Variants in DHTKD1 observed in about 807,000 individuals in gnomAD.
DHTKD1 encodes the protein 2-oxoadipate dehydrogenase complex component E1.
DHTKD1 carries 78 observed loss-of-function variants against 101.8 expected under a neutral mutation model. The observed-to-expected ratio is 0.77, with a 90% confidence interval of 0.64 to 0.93. The LOEUF (loss-of-function observed/expected upper bound fraction) is 0.93, where lower values mean the gene tolerates loss of function less well. Ranked by LOEUF, DHTKD1 falls within the 40% of genes least tolerant of loss-of-function variation. The pLI is 0.00. For synonymous variants in DHTKD1, 462 were observed against 450.3 expected (o/e 1.03, Z -0.33); for missense variants, 1,223 against 1,161.7 (o/e 1.05, Z -0.77).
intron 1 of DHTKD1, among the ~76,000 whole-genome samples, chr10:12,073,528 G>A (rs1443584335): frequency 6.6e-6 from 1 of 152,078 alleles, no homozygotes; most frequent in Non-Finnish European, 1.5e-5. Context: ...TGTATTTTTA[G>A]TAGAAACAGG....
intron 14 of DHTKD1, among the ~76,000 whole-genome samples, 158 bp downstream of exon 14, chr10:12,117,913 T>C (rs1174606608): frequency 6.6e-6 from 1 of 151,738 alleles, no homozygotes; most frequent in Non-Finnish European, 1.5e-5. Flanking sequence ...TTTTTGAGAC[T>C]GAGTCTGGCT....
chr10:12,094,274 A>G lies in DHTKD1; in HGVS notation c.1358+3A>G. ...CCCATCATGTACAAAATCATCAGGT[A>G]CAATTATAAACCCTTGTGTGATATG... is the stretch of plus-strand genomic sequence containing the variant. On this transcript the variant is annotated splice_donor_region_variant and intron_variant, in intron 7 of 16. Coordinates refer to ENST00000263035, the MANE Select transcript of DHTKD1 (RefSeq NM_018706.7). 1 of 1,613,070 alleles carries G rather than the reference A, an allele frequency of 6.2e-7. No homozygotes were observed. The highest frequency in any genetic ancestry group is 8.5e-7 in the Non-Finnish European group (1 of 1,179,004).
At position 12,119,670 on chromosome 10, in the gene DHTKD1, G is replaced by A. The variant is rs1833493761; in HGVS notation, c.2573-512G>A. On this transcript the variant is annotated intron_variant, in intron 15 of 16. Transcript: ENST00000263035. Reference sequence around the variant, plus strand: ...TTTGGTACATATATGGGGCCTGTCCGAGGGTCATGGGGGAGGAGGGAGAGC... The same window carrying A: ...TTTGGTACATATATGGGGCCTGTCCAAGGGTCATGGGGGAGGAGGGAGAGC... Among the ~76,000 whole-genome samples, 3 of 151,250 alleles carry A rather than the reference G, an allele frequency of 2.0e-5. 1 individual carries two copies. The East Asian group carries it at 5.8e-4, about 29-fold the overall frequency.
At chr10:12,073,806 C>T (rs945705116) in intron 1 of DHTKD1, among the ~76,000 whole-genome samples, 2 of 152,194 alleles carry the variant, frequency 1.3e-5, no homozygotes, top group South Asian at 4.1e-4. Context: ...GAAGCTGCTT[C>T]AGCTCTTGTA....
intron 13 of DHTKD1, among the ~76,000 whole-genome samples, chr10:12,116,127 C>T (rs1244989890): frequency 6.6e-5 from 10 of 151,792 alleles, no homozygotes; most frequent in Non-Finnish European, 8.8e-5. Flanking sequence ...GACGAGGTTT[C>T]GCCATGTGGG....
At chr10:12,119,514 G>A (rs1411140240) in intron 15 of DHTKD1, among the ~76,000 whole-genome samples, 1 of 147,818 alleles carries the variant, frequency 6.8e-6, no homozygotes, top group Admixed American at 6.8e-5. Flanking sequence ...TACTTGGGAG[G>A]CTGACGCAGG....
chr10:12,073,955 TCTC>T (rs773822536), intron 1 of DHTKD1, among the ~76,000 whole-genome samples: 17 of 152,198 alleles, frequency 1.1e-4, no homozygotes, highest in Non-Finnish European at 2.1e-4. Flanking sequence ...CCTCTGATAT[TCTC>T]CTTTATTTTT....
chr10:12,072,863 A>C (rs561412595), intron 1 of DHTKD1, among the ~76,000 whole-genome samples: 1 of 151,796 alleles, frequency 6.6e-6, no homozygotes, highest in Non-Finnish European at 1.5e-5. Context: ...CAGCCTCCTG[A>C]GTAGCTAGGA....
At chr10:12,095,409 G>A (rs1185610568) in intron 7 of DHTKD1, among the ~76,000 whole-genome samples, 2 of 152,210 alleles carry the variant, frequency 1.3e-5, no homozygotes, top group Non-Finnish European at 1.5e-5. Flanking sequence ...CGGGCATGGT[G>A]GCTTATGCCT....
At chr10:12,113,842 C>T (rs1833372815) in intron 13 of DHTKD1, among the ~76,000 whole-genome samples, 1 of 152,110 alleles carries the variant, frequency 6.6e-6, no homozygotes, top group Non-Finnish European at 1.5e-5. Flanking sequence ...ATCTTTTGAG[C>T]CCTGGAGTTC....
intron 16 of DHTKD1, 33 bp downstream of exon 16, chr10:12,120,300 G>T: frequency 6.5e-7 from 1 of 1,533,540 alleles, no homozygotes; most frequent in Non-Finnish European, 9.0e-7. Context: ...AGTGTTTTGT[G>T]TTTTGTGTGC....
rs1426984718 is a variant in DHTKD1 at position 12,093,987 on chromosome 10, C to G, written c.1160-86C>G. The G allele has an allele frequency of 2.5e-6, 3 of 1,205,384 alleles. No homozygotes were observed. The African/African-American group carries it at 4.5e-5, about 18-fold the overall frequency. 74.7% of individuals were successfully genotyped at this position (1,205,384 alleles called of 1,614,324 possible). Reference sequence around the variant, plus strand: ...TATCTACCTGTGAGGATTGGGCTGTCTTTTGATGCAGGAAGTAGGGCTTAG... The same window carrying G: ...TATCTACCTGTGAGGATTGGGCTGTGTTTTGATGCAGGAAGTAGGGCTTAG... On this transcript the variant is annotated intron_variant, in intron 6 of 16. Coordinates refer to ENST00000263035, the MANE Select transcript of DHTKD1 (RefSeq NM_018706.7).
intron 1 of DHTKD1, among the ~76,000 whole-genome samples, chr10:12,072,554 G>A (rs1832667721): frequency 6.6e-6 from 1 of 152,086 alleles, no homozygotes; most frequent in Non-Finnish European, 1.5e-5. Flanking sequence ...TAACCTTTTG[G>A]ATGGCAGTGG....
In DHTKD1 at chr10:12,087,800, A is replaced by C. The variant is rs1832928271; in HGVS notation, c.717+71A>C. 7.5e-7 allele frequency: 1 copy of C among 1,328,892 alleles called. No homozygotes were observed. 82.3% of individuals were successfully genotyped at this position (1,328,892 alleles called of 1,614,324 possible). On this transcript the variant is annotated intron_variant, in intron 4 of 16. Coordinates refer to ENST00000263035, the MANE Select transcript of DHTKD1 (RefSeq NM_018706.7). The surrounding 1 kb of genome is among the most constrained non-coding windows in gnomAD (Gnocchi z 5.2). ...GTAACAGAATAAAACTGCTGGTTTC[A>C]TTCTGGTGATAAATGATGGTGATGG...
rs371252786 is a variant in DHTKD1, at chr10:12,074,985, G to A, written c.154+5798G>A. Among the ~76,000 whole-genome samples, 256 of 152,128 alleles carry A rather than the reference G, an allele frequency of 1.7e-3. 1 individual carries two copies. The South Asian group carries it at 0.02, about 12-fold the overall frequency. Reference sequence around the variant, plus strand: ...TACTAAAAATACAAAAATTAGCCGGGTGTGGTCGCATGTGCCTGTGGAGGC... The same window carrying A: ...TACTAAAAATACAAAAATTAGCCGGATGTGGTCGCATGTGCCTGTGGAGGC... On this transcript the variant is annotated intron_variant, in intron 1 of 16. Coordinates refer to ENST00000263035, the MANE Select transcript of DHTKD1 (RefSeq NM_018706.7).
intron 13 of DHTKD1, 121 bp from the exon 14 acceptor site, chr10:12,117,552 A>G (rs1833439397): frequency 1.4e-6 from 1 of 691,798 alleles, no homozygotes; most frequent in Admixed American, 2.4e-5. Flanking sequence ...CTATTAGGAC[A>G]TGGGTCTCCT....
At chr10:12,111,108 A>G (rs575621325) in intron 12 of DHTKD1, among the ~76,000 whole-genome samples, 2 of 151,642 alleles carry the variant, frequency 1.3e-5, no homozygotes, top group African/African-American at 4.8e-5. Context: ...ATTGCTGTAA[A>G]TAGAACAAGA....
chr10:12,074,544 G>C (rs1832697551), intron 1 of DHTKD1, among the ~76,000 whole-genome samples: 1 of 151,382 alleles, frequency 6.6e-6, no homozygotes, highest in Non-Finnish European at 1.5e-5. Context: ...TTTTTTAGTA[G>C]AGATGGGGTT....
chr10:12,069,191 G>C lies in DHTKD1; in HGVS notation c.154+4G>C, dbSNP rs900927260. The C allele has an allele frequency of 1.3e-6, 2 of 1,544,232 alleles. No individual in the cohort carries two copies. The highest frequency in any genetic ancestry group is 3.9e-5 in the Admixed American group (2 of 50,784). The stretch of plus-strand genomic sequence containing the variant: ...GGCGCCCTGGAGCGCCCCCCAGGTC[G>C]GGGATGGGGCCCGGGCGGTGGGAGC... On this transcript the variant is annotated splice_donor_region_variant and intron_variant, in intron 1 of 16. Coordinates refer to ENST00000263035, the MANE Select transcript of DHTKD1 (RefSeq NM_018706.7).
Sources: gnomAD v4.1 joint callset for allele counts (sites outside exome capture counted in the v4.1 genomes callset) on GRCh38, gnomAD v4.1.1 for gene constraint, Gnocchi (gnomAD v3.1) non-coding constraint, MANE v1.5 for transcripts, NCBI Gene and HGNC (gene_info 2026-07-23, HGNC 2026-07-21) for gene names.